XPA: variants seen among roughly 807,000 people sequenced by gnomAD.
The protein encoded by XPA is DNA repair protein complementing XP-A cells.
In XPA, 27 loss-of-function variants were observed where a neutral mutation model predicts 35.7. The ratio of observed to expected loss-of-function variants is 0.76; its 90% CI spans 0.56 to 1.04. XPA has a LOEUF of 1.04. Ranked by LOEUF, XPA falls within the 50% of genes least tolerant of loss-of-function variation. The probability of loss-of-function intolerance (pLI) is 0.00; values close to 1 mark genes in which losing one functional copy is unlikely to be tolerated. For synonymous variants in XPA, 133 were observed against 118.4 expected (o/e 1.12, Z -0.80); for missense variants, 354 against 342.7 (o/e 1.03, Z -0.26).
At chr9:97,663,759 T>G in the XPA span, among the ~76,000 whole-genome samples, 1 of 151,884 alleles carries the variant, frequency 6.6e-6, no homozygotes. Context: ...TGTGCTAGAT[T>G]ACAGGTGTGA....
At chr9:97,669,756 AT>A in the XPA span, 1 of 1,303,488 alleles carries the variant, frequency 7.7e-7, no homozygotes, top group Non-Finnish European at 1.1e-6. Flanking sequence ...AGCCACAAAG[AT>A]TTTTCATTAA....
chr9:97,686,911 A>G (rs1006754355), intron 4 of XPA, among the ~76,000 whole-genome samples, 185 bp downstream of exon 4: 3 of 152,142 alleles, frequency 2.0e-5, no homozygotes, highest in African/African-American at 7.2e-5. Flanking sequence ...GTTTGAAAAA[A>G]GAAAAGAAAA....
intron 5 of XPA, among the ~76,000 whole-genome samples, chr9:97,681,496 C>T (rs1290714777): frequency 6.6e-6 from 1 of 152,130 alleles, no homozygotes; most frequent in Non-Finnish European, 1.5e-5. Flanking sequence ...AGATTTCTTA[C>T]CTACCTCTTT....
In XPA at chr9:97,675,381, T is replaced by C; in HGVS notation, c.*58A>G. The C allele has an allele frequency of 6.6e-7, 1 of 1,523,574 alleles. No individual in the cohort carries two copies. Among genetic ancestry groups the C allele is most frequent in the South Asian group, 1.3e-5 (1 of 79,834 alleles). 94.4% of individuals were successfully genotyped at this position (1,523,574 alleles called of 1,614,324 possible). A position where few individuals can be genotyped will look rare whatever the true frequency, so the allele number is the denominator to read the frequency against. On this transcript the variant is annotated 3_prime_UTR_variant, in exon 6 of 6. Transcript: ENST00000375128. ...TTTTTTGAATTTTGAAAAGGACCAA[T>C]CTAAATTTCCTTTATTTAAATATAA...
the XPA span, among the ~76,000 whole-genome samples, chr9:97,656,712 C>G: frequency 0.011 from 1,673 of 152,188 alleles, 20 homozygotes; most frequent in African/African-American, 0.037. Flanking sequence ...TTCGTCTCTC[C>G]CTAGAGACCC....
chr9:97,693,112 C>T (rs1180041935), intron 2 of XPA, among the ~76,000 whole-genome samples: 1 of 147,634 alleles, frequency 6.8e-6, no homozygotes, highest in Non-Finnish European at 1.5e-5. Flanking sequence ...AACTTATGAA[C>T]AAATAAAGTG....
chr9:97,683,881 C>T (rs1292956360), intron 5 of XPA, among the ~76,000 whole-genome samples: 1 of 152,060 alleles, frequency 6.6e-6, no homozygotes, highest in African/African-American at 2.4e-5. Context: ...ACTTATGAAT[C>T]CTAAAAACAT....
At chr9:97,665,625 A>G in the XPA span, among the ~76,000 whole-genome samples, 1 of 152,194 alleles carries the variant, frequency 6.6e-6, no homozygotes, top group Non-Finnish European at 1.5e-5. Flanking sequence ...CTAACATTCT[A>G]GACTTGGAGT....
At chr9:97,670,695 GT>G (rs1220971428), downstream of XPA, among the ~76,000 whole-genome samples, 3 of 152,282 alleles carry the variant, frequency 2.0e-5, no homozygotes, top group South Asian at 6.2e-4. Context: ...TTTTCTGACT[GT>G]TTATCTTCCT....
chr9:97,691,849 C>A (rs559048305), intron 2 of XPA, among the ~76,000 whole-genome samples: 1 of 149,744 alleles, frequency 6.7e-6, no homozygotes, highest in Non-Finnish European at 1.5e-5. Context: ...TGCCACTGCA[C>A]TCCAGGCTGG....
At chr9:97,681,584 T>C (rs1828541860) in intron 5 of XPA, among the ~76,000 whole-genome samples, 1 of 152,210 alleles carries the variant, frequency 6.6e-6, no homozygotes, top group African/African-American at 2.4e-5. Flanking sequence ...TCTACCAGTA[T>C]GGAATAAGAG....
At chr9:97,672,347 C>G (rs75755400), downstream of XPA, 10 of 152,032 alleles carry the variant, frequency 6.6e-5, no homozygotes, top group African/African-American at 2.4e-4. Context: ...ATGCATTAAG[C>G]GTTTTGCATA....
At chr9:97,680,708 T>A (rs1192245397) in intron 5 of XPA, among the ~76,000 whole-genome samples, 1 of 152,154 alleles carries the variant, frequency 6.6e-6, no homozygotes, top group East Asian at 1.9e-4. Context: ...ATTTAACAAC[T>A]TAAAACTTAG....
At chr9:97,671,438 T>G (rs998405743), downstream of XPA, 4 of 402,662 alleles carry the variant, frequency 9.9e-6, no homozygotes, top group Non-Finnish European at 1.8e-5. Context: ...AGATACAAAT[T>G]CTCTGTGATC....
At chr9:97,654,544 G>A in the XPA span, among the ~76,000 whole-genome samples, 1 of 150,934 alleles carries the variant, frequency 6.6e-6, no homozygotes, top group Non-Finnish European at 1.5e-5. Context: ...CTTGTTGCAG[G>A]GTTGCCACAA....
At chr9:97,656,588 G>A in the XPA span, among the ~76,000 whole-genome samples, 3 of 152,090 alleles carry the variant, frequency 2.0e-5, no homozygotes, top group Admixed American at 2.0e-4. Flanking sequence ...TATATGAAAT[G>A]AATTCAGATT....
chr9:97,683,358 CT>C (rs930235400), intron 5 of XPA, among the ~76,000 whole-genome samples: 1 of 152,160 alleles, frequency 6.6e-6, no homozygotes, highest in Non-Finnish European at 1.5e-5. Flanking sequence ...CATCAGAACT[CT>C]TTCCAAATCC....
intron 3 of XPA, among the ~76,000 whole-genome samples, chr9:97,688,406 T>C (rs1318763060): frequency 6.6e-6 from 1 of 152,220 alleles, no homozygotes; most frequent in Non-Finnish European, 1.5e-5. Context: ...CTCATGTGCT[T>C]GTATTCGGTC....
At chr9:97,661,618 T>A in the XPA span, among the ~76,000 whole-genome samples, 1 of 152,130 alleles carries the variant, frequency 6.6e-6, no homozygotes, top group Non-Finnish European at 1.5e-5. Flanking sequence ...TTTGTTTGGA[T>A]ATCTCTAAGA....
Sources: gnomAD v4.1 joint callset for allele counts (sites outside exome capture counted in the v4.1 genomes callset) on GRCh38, gnomAD v4.1.1 for gene constraint, MANE v1.5 for transcripts, NCBI Gene and HGNC (gene_info 2026-07-23, HGNC 2026-07-21) for gene names.